The following NCAM1 variants were observed in gnomAD, a reference collection of about 807,000 sequenced individuals.
The protein encoded by NCAM1 is antigen recognized by monoclonal antibody 5.1H11.
Under a neutral mutation model 109.8 loss-of-function variants are expected in NCAM1, and 14 were observed. That is an observed-to-expected ratio of 0.13 (90% CI 0.08 to 0.20). The LOEUF (loss-of-function observed/expected upper bound fraction) is 0.20, where lower values mean the gene tolerates loss of function less well. NCAM1 is among the 10% of genes least tolerant of loss of function. The probability of loss-of-function intolerance (pLI) is 1.00; values close to 1 mark genes in which losing one functional copy is unlikely to be tolerated. For missense variants in NCAM1, 774 were observed against 1,109.9 expected, an observed-to-expected ratio of 0.70 and a Z score of 4.30; for synonymous variants, 418 against 442.9, an observed-to-expected ratio of 0.94 and a Z score of 0.70.
intron 1 of NCAM1, among the ~76,000 whole-genome samples, chr11:112,978,419 G>A (rs1010608026): frequency 6.6e-6 from 1 of 151,744 alleles, no homozygotes; most frequent in Admixed American, 6.6e-5. Context: ...AGTAATAATG[G>A]CATGTTTTTT....
At chr11:113,229,036 G>A (rs143591885) in intron 9 of NCAM1, among the ~76,000 whole-genome samples, 5,733 of 152,268 alleles carry the variant, frequency 0.038, 228 homozygotes, top group East Asian at 0.18. Flanking sequence ...AGGACTTCAC[G>A]TCTAAAACAC....
intron 1 of NCAM1, among the ~76,000 whole-genome samples, chr11:113,049,315 C>T (rs1415720045): frequency 4.6e-5 from 7 of 152,140 alleles, no homozygotes; most frequent in South Asian, 2.1e-4. Flanking sequence ...TGATTCATCC[C>T]GGGCCTGATT....
intron 10 of NCAM1, 107 bp from the exon 11 acceptor site, chr11:113,232,063 C>A: frequency 8.6e-7 from 1 of 1,161,292 alleles, no homozygotes; most frequent in Non-Finnish European, 1.2e-6. Context: ...CTATACCAGG[C>A]GCTGGCTCTG....
intron 1 of NCAM1, among the ~76,000 whole-genome samples, chr11:112,972,171 C>T (rs1490092275): frequency 1.3e-5 from 2 of 152,076 alleles, no homozygotes; most frequent in Non-Finnish European, 2.9e-5. Context: ...AAGAATTTAT[C>T]TCCGCTGAGA....
chr11:113,233,423 C>A lies in NCAM1; in HGVS notation c.1693+106C>A. On this transcript the variant is annotated intron_variant, in intron 13 of 19. Transcript: ENST00000316851. This position sits in a 1 kb window ranked among gnomAD's most constrained non-coding sequence, Gnocchi z 4.5. ...GTTCCTACAGAATCAGGAACTGCACCTCCAGAATTAGGTCAAAGTCATATC... is the reference window on the plus strand; with the variant it reads ...GTTCCTACAGAATCAGGAACTGCACATCCAGAATTAGGTCAAAGTCATATC... 2 of 1,240,842 alleles carry A rather than the reference C, an allele frequency of 1.6e-6. No individual in the cohort carries two copies. The highest frequency in any genetic ancestry group is 2.2e-6 in the Non-Finnish European group (2 of 891,702). 76.9% of individuals were successfully genotyped at this position (1,240,842 alleles called of 1,614,324 possible). A position where few individuals can be genotyped will look rare whatever the true frequency, so the allele number is the denominator to read the frequency against.
intron 1 of NCAM1, among the ~76,000 whole-genome samples, chr11:113,056,287 T>C (rs1555082569): frequency 6.6e-6 from 1 of 151,736 alleles, no homozygotes; most frequent in African/African-American, 2.4e-5. Flanking sequence ...GATTAATGGT[T>C]GCAAAACTAT....
chr11:113,042,829 G>A (rs929477173), intron 1 of NCAM1, among the ~76,000 whole-genome samples: 9 of 151,950 alleles, frequency 5.9e-5, no homozygotes, highest in South Asian at 2.1e-4. Flanking sequence ...CCCTTCACCC[G>A]TTGCTGTTAG....
intron 1 of NCAM1, among the ~76,000 whole-genome samples, chr11:113,027,950 G>A (rs549132594): frequency 6.6e-6 from 1 of 152,244 alleles, no homozygotes; most frequent in East Asian, 1.9e-4. Context: ...GGCACAGAAA[G>A]ACAGCTACTT....
intron 15 of NCAM1, 82 bp downstream of exon 15, chr11:113,246,452 A>G (rs888054576): frequency 1.4e-6 from 1 of 698,060 alleles, no homozygotes; most frequent in Non-Finnish European, 2.6e-6. Context: ...TTCCTGTCTC[A>G]GATTTCCTAA....
chr11:113,114,300 C>T (rs4936261), intron 1 of NCAM1, among the ~76,000 whole-genome samples: 2,890 of 152,192 alleles, frequency 0.019, 64 homozygotes, highest in East Asian at 0.085. Context: ...GAGGTTTGGC[C>T]GTGGCCACTC....
At chr11:112,964,791 A>C (rs1555064848) in intron 1 of NCAM1, among the ~76,000 whole-genome samples, 1 of 152,232 alleles carries the variant, frequency 6.6e-6, no homozygotes, top group African/African-American at 2.4e-5. Context: ...TTCTTTCAAT[A>C]AATACTAGCA....
intron 1 of NCAM1, among the ~76,000 whole-genome samples, chr11:113,110,691 C>T (rs2135950061): frequency 6.6e-6 from 1 of 152,198 alleles, no homozygotes; most frequent in South Asian, 2.1e-4. Flanking sequence ...ACACTAAGAA[C>T]TTTATTGTGA....
intron 14 of NCAM1, among the ~76,000 whole-genome samples, chr11:113,245,552 T>C (rs1477679867): frequency 6.6e-6 from 1 of 152,210 alleles, no homozygotes; most frequent in Non-Finnish European, 1.5e-5. Flanking sequence ...AGCCATTGTC[T>C]CAACCATCAG....
rs550943211 is a variant in NCAM1, at chr11:113,127,424, G to A, written c.53-74955G>A. ...CCAGTGCTTTTGTCTCTTTTCTTCC[G>A]GAAGCCATTTAAAATAAAGCTTGCA... On this transcript the variant is annotated intron_variant, in intron 1 of 19. Transcript: ENST00000316851. Among the ~76,000 whole-genome samples the A allele has an allele frequency of 6.2e-4, 95 of 152,176 alleles. 1 individual carries two copies. In the South Asian group the frequency reaches 0.018, roughly 30 times the overall value.
At chr11:113,017,635 T>TTTTGTGTGTGTGTGTGTG (rs1555075494) in intron 1 of NCAM1, among the ~76,000 whole-genome samples, 1 of 145,178 alleles carries the variant, frequency 6.9e-6, no homozygotes, top group African/African-American at 2.5e-5. Flanking sequence ...CAGTACTGTT[T>TTTTGTGTGTGTGTGTGTG]TGTGTGTGTG....
At chr11:113,077,536 G>A (rs1938583265) in intron 1 of NCAM1, among the ~76,000 whole-genome samples, 1 of 152,100 alleles carries the variant, frequency 6.6e-6, no homozygotes, top group Admixed American at 6.6e-5. Context: ...TTATTCTTGT[G>A]TACTGACCAT....
chr11:113,106,900 G>A (rs181361659), intron 1 of NCAM1, among the ~76,000 whole-genome samples: 26 of 152,266 alleles, frequency 1.7e-4, no homozygotes, highest in Middle Eastern at 3.4e-3. Flanking sequence ...TATGTGGTGT[G>A]GACTAAGACA....
intron 1 of NCAM1, among the ~76,000 whole-genome samples, chr11:113,044,540 C>T (rs535054769): frequency 6.6e-6 from 1 of 152,086 alleles, no homozygotes; most frequent in East Asian, 2.0e-4. Flanking sequence ...CAAAAATTTT[C>T]TGGGCATGGT....
intron 1 of NCAM1, among the ~76,000 whole-genome samples, chr11:113,011,668 G>C (rs1952059131): frequency 6.6e-6 from 1 of 152,190 alleles, no homozygotes; most frequent in Non-Finnish European, 1.5e-5. Flanking sequence ...GAAAAATAGA[G>C]AGATGGTAGC....
Sources: gnomAD v4.1 joint callset for allele counts (sites outside exome capture counted in the v4.1 genomes callset) on GRCh38, gnomAD v4.1.1 for gene constraint, Gnocchi (gnomAD v3.1) non-coding constraint, MANE v1.5 for transcripts, NCBI Gene and HGNC (gene_info 2026-07-23, HGNC 2026-07-21) for gene names.